The following FRMPD4 variants were observed in gnomAD, a reference collection of about 807,000 sequenced individuals.
FRMPD4 encodes FERM and PDZ domain-containing protein 4.
In FRMPD4, 22 loss-of-function variants were observed where a neutral mutation model predicts 94.1. The ratio of observed to expected loss-of-function variants is 0.23; its 90% CI spans 0.17 to 0.33. The LOEUF is 0.33. FRMPD4 is among the 10% of genes least tolerant of loss of function. The pLI is 1.00. For missense variants in FRMPD4, 1,111 were observed against 1,339.9 expected (o/e 0.83, Z 2.67); for synonymous variants, 631 against 548.6 (o/e 1.15, Z -2.10).
intron 1 of FRMPD4, among the ~76,000 whole-genome samples, chrX:12,234,679 C>T (rs937205583): frequency 8.9e-6 from 1 of 112,340 alleles, no homozygotes; most frequent in African/African-American, 3.2e-5. Context: ...AATAAATTCA[C>T]TTTCATTTAA....
chrX:12,407,373 C>T (rs1388072798), intron 1 of FRMPD4, among the ~76,000 whole-genome samples: 1 of 111,677 alleles, frequency 9.0e-6, no homozygotes, highest in South Asian at 3.7e-4. Context: ...ACAGAGCTTG[C>T]GCACCAGAGT....
chrX:11,889,734 G>A (rs375238929), intron 3 of FRMPD4, among the ~76,000 whole-genome samples: 5 of 112,077 alleles, frequency 4.5e-5, no homozygotes, highest in East Asian at 2.8e-4. Flanking sequence ...GTGTAGCTAC[G>A]TAAAGCTGGG....
chrX:11,884,909 T>G (rs1338007909), intron 3 of FRMPD4, among the ~76,000 whole-genome samples: 1 of 111,905 alleles, frequency 8.9e-6, no homozygotes, highest in Non-Finnish European at 1.9e-5. Flanking sequence ...TTTCACATTT[T>G]GGTGGGCCCT....
chrX:12,001,333 C>T (rs2054523434), intron 3 of FRMPD4, among the ~76,000 whole-genome samples: 1 of 112,257 alleles, frequency 8.9e-6, no homozygotes, highest in African/African-American at 3.2e-5. Context: ...TGAAATTGAA[C>T]TGAATTGGAA....
intron 2 of FRMPD4, among the ~76,000 whole-genome samples, chrX:12,592,081 T>C (rs952533445): frequency 4.5e-5 from 5 of 111,443 alleles, no homozygotes; most frequent in Non-Finnish European, 7.5e-5. Flanking sequence ...CCCTTCTCCC[T>C]TGAAGACCTT....
At chrX:11,978,326 A>AG (rs2054379055) in intron 3 of FRMPD4, among the ~76,000 whole-genome samples, 1 of 100,866 alleles carries the variant, frequency 9.9e-6, no homozygotes, top group Non-Finnish European at 2.0e-5. Context: ...CATCTCAAAA[A>AG]AAAAAAAAAA....
intron 1 of FRMPD4, among the ~76,000 whole-genome samples, chrX:11,854,937 C>T (rs78554231): frequency 8.9e-6 from 1 of 112,222 alleles, no homozygotes; most frequent in Non-Finnish European, 1.9e-5. Flanking sequence ...TCTGACCCCA[C>T]ACTTCCCTTC....
intron 3 of FRMPD4, among the ~76,000 whole-genome samples, chrX:12,097,783 G>C (rs1279047637): frequency 8.9e-6 from 1 of 112,482 alleles, no homozygotes; most frequent in Non-Finnish European, 1.9e-5. Context: ...GAATGATATT[G>C]CATTGTATGA....
chrX:12,446,151 CTT>C (rs2057192391), intron 1 of FRMPD4, among the ~76,000 whole-genome samples: 2 of 112,124 alleles, frequency 1.8e-5, no homozygotes, highest in African/African-American at 6.5e-5. Flanking sequence ...GACTTTTAAT[CTT>C]GTTTGATCAA....
intron 1 of FRMPD4, among the ~76,000 whole-genome samples, chrX:12,425,259 A>G (rs2056932114): frequency 8.9e-6 from 1 of 112,037 alleles, no homozygotes; most frequent in Non-Finnish European, 1.9e-5. Context: ...ATGTTCTTCT[A>G]TCTGCTTGTC....
chrX:11,861,984 A>C (rs2053689947), intron 1 of FRMPD4, among the ~76,000 whole-genome samples: 1 of 111,325 alleles, frequency 9.0e-6, no homozygotes, highest in South Asian at 3.8e-4. Context: ...AAGGAGAAGC[A>C]GGTACGTCTT....
At chrX:12,393,358 T>A (rs1034026245) in intron 1 of FRMPD4, among the ~76,000 whole-genome samples, 1 of 112,436 alleles carries the variant, frequency 8.9e-6, no homozygotes, top group African/African-American at 3.2e-5. Flanking sequence ...ATTTTCATCA[T>A]CTTTTGTCTT....
At position 12,457,271 on chromosome X, in the gene FRMPD4, A is replaced by G. The variant is rs151082101; in HGVS notation, c.42-41409A>G. Among the ~76,000 whole-genome samples, 148 of 111,977 alleles carry G rather than the reference A, an allele frequency of 1.3e-3. No homozygotes were observed. In the Middle Eastern group the frequency reaches 0.023, roughly 18 times the overall value. On this transcript the variant is annotated intron_variant, in intron 1 of 16. Transcript: ENST00000675598. ...ACTGGAGAGAGGGTAGGCAGTTGAC[A>G]TACTACAGAGAAGAAGAATCTAGTT...
chrX:12,071,749 T>C (rs2054970418), intron 3 of FRMPD4, among the ~76,000 whole-genome samples: 1 of 111,407 alleles, frequency 9.0e-6, no homozygotes, highest in South Asian at 3.8e-4. Context: ...CTACTTGCCC[T>C]TTCTCTGCTT....
intron 4 of FRMPD4, among the ~76,000 whole-genome samples, chrX:12,632,327 T>C (rs1015835304): frequency 9.0e-6 from 1 of 111,572 alleles, no homozygotes; most frequent in Non-Finnish European, 1.9e-5. Flanking sequence ...ATAGGCATTC[T>C]GTGAGAGACC....
At chrX:12,073,821 C>T (rs751163074) in intron 3 of FRMPD4, among the ~76,000 whole-genome samples, 4 of 112,189 alleles carry the variant, frequency 3.6e-5, no homozygotes, top group Non-Finnish European at 5.6e-5. Flanking sequence ...CCTCATGTCT[C>T]GATCTTCCTG....
chrX:11,832,180 A>G (rs1177004093), intron 1 of FRMPD4, among the ~76,000 whole-genome samples: 2 of 111,183 alleles, frequency 1.8e-5, no homozygotes, highest in African/African-American at 3.3e-5. Flanking sequence ...TTTTCTTCCA[A>G]TGCCCATCTG....
chrX:12,326,178 C>T (rs1379371031), intron 1 of FRMPD4, among the ~76,000 whole-genome samples: 1 of 111,632 alleles, frequency 9.0e-6, no homozygotes, highest in Non-Finnish European at 1.9e-5. Flanking sequence ...TTTATCCATG[C>T]TAATGCTACT....
chrX:12,597,107 C>T lies in FRMPD4; in HGVS notation c.159-12614C>T, dbSNP rs551264757. On this transcript the variant is annotated intron_variant, in intron 2 of 16. Coordinates refer to ENST00000675598, the MANE Select transcript of FRMPD4 (RefSeq NM_001368397.1). ...CATGGGTGTGACTTGATTATTATTG[C>T]CTCTGACACATTAGAGTATCATTAA... Among the ~76,000 whole-genome samples, 5 of 111,909 alleles carry T rather than the reference C, an allele frequency of 4.5e-5. No individual in the cohort carries two copies. In the South Asian group the frequency reaches 1.5e-3, roughly 34 times the overall value.
Sources: allele counts gnomAD v4.1 joint callset (sites outside exome capture counted in the v4.1 genomes callset), GRCh38; gene constraint gnomAD v4.1.1; transcripts MANE v1.5; gene names NCBI Gene and HGNC (gene_info 2026-07-23, HGNC 2026-07-21).